PDIA3: variants seen among roughly 807,000 people sequenced by gnomAD.
The protein encoded by PDIA3 is protein disulfide isomerase family A member 3, also known as protein disulfide-isomerase A3.
PDIA3 carries 16 observed loss-of-function variants against 56.9 expected under a neutral mutation model. The observed-to-expected ratio is 0.28, with a 90% CI of 0.19 to 0.43. The LOEUF is 0.43. Among genes scored for constraint, PDIA3 ranks in the 20% least tolerant of loss-of-function variants. The pLI, the probability that PDIA3 is intolerant of heterozygous loss-of-function variation, is 1.00. For missense variants in PDIA3, 485 were observed against 621.3 expected (o/e 0.78, Z 2.33); for synonymous variants, 192 against 216.5 (o/e 0.89, Z 0.99).
At chr15:43,750,311 T>A (rs974938884) in intron 1 of PDIA3, among the ~76,000 whole-genome samples, 1 of 150,498 alleles carries the variant, frequency 6.6e-6, no homozygotes, top group African/African-American at 2.4e-5. Context: ...CCACCGTGCC[T>A]GGCTTAGTGA....
chr15:43,772,860 C>T lies in PDIA3; in HGVS notation c.*1642C>T, dbSNP rs1004630498. On this transcript the variant is annotated 3_prime_UTR_variant, in exon 13 of 13. Transcript: ENST00000300289. ...AGGACTTGAAAATGACTTGGCTGAA[C>T]TAAAGGTAAAAAAGCCAAGCCTCTG... 14 of 332,324 alleles carry T rather than the reference C, an allele frequency of 4.2e-5. No individual in the cohort carries two copies. The highest frequency in any genetic ancestry group is 9.3e-5 in the Admixed American group (2 of 21,438). 20.6% of individuals were successfully genotyped at this position (332,324 alleles called of 1,614,324 possible).
Position 43,746,659 on chromosome 15 carries a change from C to T in PDIA3, c.120C>T (p.Ser40=). 2 of 1,612,972 alleles carry T rather than the reference C, an allele frequency of 1.2e-6. No homozygotes were observed. Among genetic ancestry groups the T allele is most frequent in the African/African-American group, 1.3e-5 (1 of 75,054 alleles). ...LTDDNFESRI[S]DTGSAGLMLV... is the part of the protein sequence containing the mutation. ...ACGACAACTTCGAGAGTCGCATCTC[C>T]GACACGGGCTCTGCGGGCCTCATGC... The change falls in exon 1 of 13, where the codon TCC becomes TCT. Residue 40 remains serine, a synonymous_variant. Coordinates refer to ENST00000300289, the MANE Select transcript of PDIA3 (RefSeq NM_005313.5).
rs760857644 is a variant in PDIA3, at chr15:43,756,626, AGTTT to A, written c.247-20_247-17del. On this transcript the variant is annotated intron_variant, in intron 2 of 12. Coordinates refer to ENST00000300289, the MANE Select transcript of PDIA3 (RefSeq NM_005313.5). ...GCAGCAGAAACTTGGATAAGAAAATAGTTTGTGTATTTTGATCTTTAGGTTGATT... is the reference window on the plus strand; with the variant it reads ...GCAGCAGAAACTTGGATAAGAAAATAGTGTATTTTGATCTTTAGGTTGATT... The A allele has an allele frequency of 2.3e-6, 3 of 1,301,648 alleles. No individual in the cohort carries two copies. Among genetic ancestry groups the A allele is most frequent in the African/African-American group, 1.5e-5 (1 of 68,952 alleles). 80.6% of individuals were successfully genotyped at this position (1,301,648 alleles called of 1,614,324 possible).
Position 43,766,129 on chromosome 15 carries a change from A to C in PDIA3, c.845+117A>C. 3 of 656,662 alleles carry C rather than the reference A, an allele frequency of 4.6e-6. No individual in the cohort carries two copies. The South Asian group carries it at 1.1e-4, about 24-fold the overall frequency. The allele number at this position is 656,662 out of a possible 1,614,324, so 40.7% of individuals were successfully genotyped here. On this transcript the variant is annotated intron_variant, in intron 7 of 12. Transcript: ENST00000300289. ...TAAAACAATAAATGGTTCCTTAAGA[A>C]GAGGTAAAAAAAAAAAAAAAAAAAT... is the stretch of plus-strand genomic sequence containing the variant.
chr15:43,750,041 A>G (rs1348522321), intron 1 of PDIA3, among the ~76,000 whole-genome samples: 2 of 144,750 alleles, frequency 1.4e-5, no homozygotes, highest in African/African-American at 2.5e-5. Flanking sequence ...TCATGTTTCA[A>G]GTGAAAGTGA....
chr15:43,759,671 C>T (rs1043695491), intron 3 of PDIA3, among the ~76,000 whole-genome samples: 21 of 152,148 alleles, frequency 1.4e-4, no homozygotes, highest in East Asian at 7.7e-4. Context: ...AAACAAAATA[C>T]GGTATATGCA....
intron 4 of PDIA3, among the ~76,000 whole-genome samples, chr15:43,761,849 G>A (rs1006253967): frequency 2.0e-5 from 3 of 152,056 alleles, no homozygotes; most frequent in Non-Finnish European, 4.4e-5. Flanking sequence ...GACTAGGATA[G>A]GAATATCTTC....
chr15:43,746,928 G>T lies in PDIA3; in HGVS notation c.167+222G>T, dbSNP rs528565179. 1.8e-3 allele frequency: 1,048 copies of T among 581,222 alleles called. 2 individuals carry two copies. Among genetic ancestry groups the T allele is most frequent in the Non-Finnish European group, 2.8e-3 (930 of 326,462 alleles). The allele number at this position is 581,222 out of a possible 1,614,324, so 36.0% of individuals were successfully genotyped here. A position where few individuals can be genotyped will look rare whatever the true frequency, so the allele number is the denominator to read the frequency against. The stretch of plus-strand genomic sequence containing the variant: ...AAACCCGAAGGCTGCGCTCACGCAG[G>T]GCCTCATCCTTATCTCGGTGCTCTT... On this transcript the variant is annotated intron_variant, in intron 1 of 12. Transcript: ENST00000300289.
At chr15:43,765,732 T>G (rs1182291217) in intron 6 of PDIA3, among the ~76,000 whole-genome samples, 155 bp from the exon 7 acceptor site, 1 of 152,202 alleles carries the variant, frequency 6.6e-6, no homozygotes, top group South Asian at 2.1e-4. Context: ...GTGTTAGAAC[T>G]CCTGTTGTCA....
chr15:43,755,649 C>T (rs573692282), intron 2 of PDIA3, among the ~76,000 whole-genome samples: 5 of 152,296 alleles, frequency 3.3e-5, no homozygotes, highest in African/African-American at 1.2e-4. Context: ...CGCTGTGGCT[C>T]ACGCCTGTAA....
rs569109284 is a variant in PDIA3, at chr15:43,765,316, G to C, written c.603-134G>C. 9 of 679,822 alleles carry C rather than the reference G, an allele frequency of 1.3e-5. No individual in the cohort carries two copies. In the African/African-American group the frequency reaches 1.6e-4, roughly 12 times the overall value. 42.1% of individuals were successfully genotyped at this position (679,822 alleles called of 1,614,324 possible). A position where few individuals can be genotyped will look rare whatever the true frequency, so the allele number is the denominator to read the frequency against. ...GGATCACTTGAGCCTAGGAGTTCAA[G>C]GCTACAGTGAGCTATAATCACACCA... On this transcript the variant is annotated intron_variant, in intron 5 of 12. Transcript: ENST00000300289.
At chr15:43,759,904 A>G (rs549930586) in intron 3 of PDIA3, among the ~76,000 whole-genome samples, 9 of 152,264 alleles carry the variant, frequency 5.9e-5, no homozygotes, top group African/African-American at 1.7e-4. Flanking sequence ...ACCAGCCAAC[A>G]TAGTGAAACC....
chr15:43,760,977 C>T (rs910882825), intron 3 of PDIA3, among the ~76,000 whole-genome samples: 1 of 151,290 alleles, frequency 6.6e-6, no homozygotes. Context: ...TGGTGGCTCA[C>T]GCCTGTAATC....
chr15:43,771,623 AT>A lies in PDIA3; in HGVS notation c.*406del. 4.8e-6 allele frequency: 2 copies of A among 412,446 alleles called. No homozygotes were observed. Among genetic ancestry groups the A allele is most frequent in the South Asian group, 1.1e-4 (1 of 9,298 alleles). 25.5% of individuals were successfully genotyped at this position (412,446 alleles called of 1,614,324 possible). A position where few individuals can be genotyped will look rare whatever the true frequency, so the allele number is the denominator to read the frequency against. On this transcript the variant is annotated 3_prime_UTR_variant, in exon 13 of 13. Coordinates refer to ENST00000300289, the MANE Select transcript of PDIA3 (RefSeq NM_005313.5). ...AATAGAGCTTTCTTCAGTGATGGAA[AT>A]GCTCTGTAATCTACACTGTTCAGTA...
At chr15:43,769,435 G>C in intron 9 of PDIA3, 83 bp from the exon 10 acceptor site, 1 of 1,288,442 alleles carries the variant, frequency 7.8e-7, no homozygotes, top group Non-Finnish European at 1.1e-6. Context: ...CATCAAATTA[G>C]AGAGGGATTG....
At chr15:43,750,636 G>A (rs1017483022) in intron 1 of PDIA3, among the ~76,000 whole-genome samples, 1 of 151,724 alleles carries the variant, frequency 6.6e-6, no homozygotes, top group Non-Finnish European at 1.5e-5. Flanking sequence ...TTAGCTGGGC[G>A]TGGTAGCAGG....
rs936745450 is a variant in PDIA3 at position 43,771,286 on chromosome 15, C to T, written c.*68C>T. The T allele has an allele frequency of 4.2e-6, 4 of 954,780 alleles. No individual in the cohort carries two copies. The highest frequency in any genetic ancestry group is 4.1e-5 in the Admixed American group (2 of 48,582). The allele number at this position is 954,780 out of a possible 1,614,324, so 59.1% of individuals were successfully genotyped here. ...GAGATGGGAAAACCATTGGGGAGGACTAGGACCCATATGGGAATTATTACC... is the reference window on the plus strand; with the variant it reads ...GAGATGGGAAAACCATTGGGGAGGATTAGGACCCATATGGGAATTATTACC... On this transcript the variant is annotated 3_prime_UTR_variant, in exon 13 of 13. Transcript: ENST00000300289.
chr15:43,773,021 A>G lies in PDIA3; in HGVS notation c.*1803A>G. ...GCCACCATGGACTCCAGTGGTCAGC[A>G]TAAGAAAAGCAGATAGTTGCATTCT... is the stretch of plus-strand genomic sequence containing the variant. On this transcript the variant is annotated 3_prime_UTR_variant, in exon 13 of 13. Transcript: ENST00000300289. The G allele has an allele frequency of 8.3e-7, 1 of 1,203,294 alleles. No individual in the cohort carries two copies. Among genetic ancestry groups the G allele is most frequent in the East Asian group, 2.3e-5 (1 of 42,758 alleles). 74.5% of individuals were successfully genotyped at this position (1,203,294 alleles called of 1,614,324 possible).
In PDIA3 at chr15:43,746,501, C is replaced by T. The variant is rs776342525; in HGVS notation, c.-39C>T. 17 of 1,516,562 alleles carry T rather than the reference C, an allele frequency of 1.1e-5. No individual in the cohort carries two copies. The highest frequency in any genetic ancestry group is 2.5e-5 in the East Asian group (1 of 40,782). The allele number at this position is 1,516,562 out of a possible 1,614,324, so 93.9% of individuals were successfully genotyped here. A position where few individuals can be genotyped will look rare whatever the true frequency, so the allele number is the denominator to read the frequency against. On this transcript the variant is annotated 5_prime_UTR_variant, in exon 1 of 13. Coordinates refer to ENST00000300289, the MANE Select transcript of PDIA3 (RefSeq NM_005313.5). ...CCCGACCTCCGCAGTCCCAGCCGAG[C>T]CGCGACCCTTCCGGCCGTCCCCACC...
Sources: gnomAD v4.1 joint callset for allele counts (sites outside exome capture counted in the v4.1 genomes callset) on GRCh38, gnomAD v4.1.1 for gene constraint, MANE v1.5 for transcripts, NCBI Gene and HGNC (gene_info 2026-07-23, HGNC 2026-07-21) for gene names.